SIL1: variants seen among roughly 807,000 people sequenced by gnomAD.
The protein encoded by SIL1 is SIL1 nucleotide exchange factor, also known as nucleotide exchange factor SIL1.
SIL1 carries 40 observed loss-of-function variants against 49.1 expected under a neutral mutation model. The ratio of observed to expected loss-of-function variants is 0.81; its 90% CI spans 0.63 to 1.06. The LOEUF (loss-of-function observed/expected upper bound fraction) is 1.06, where lower values mean the gene tolerates loss of function less well. Among genes scored for constraint, SIL1 ranks in the 50% least tolerant of loss-of-function variants. SIL1 has a pLI of 0.00. For synonymous variants in SIL1, 253 were observed against 250.8 expected (o/e 1.01, Z -0.08); for missense variants, 500 against 572.6 (o/e 0.87, Z 1.29).
chr5:139,159,097 G>C (rs1751458322), intron 1 of SIL1, among the ~76,000 whole-genome samples: 1 of 151,300 alleles, frequency 6.6e-6, no homozygotes, highest in Non-Finnish European at 1.5e-5. Context: ...TACTAAAAGA[G>C]AGAGAGGGAA....
intron 3 of SIL1, among the ~76,000 whole-genome samples, chr5:139,086,201 A>C (rs926588351): frequency 6.8e-6 from 1 of 148,146 alleles, no homozygotes; most frequent in Non-Finnish European, 1.5e-5. Flanking sequence ...TGAATCTGGG[A>C]GGTCAAGGCT....
At chr5:139,144,268 G>T (rs1751149727) in intron 1 of SIL1, among the ~76,000 whole-genome samples, 1 of 152,074 alleles carries the variant, frequency 6.6e-6, no homozygotes, top group Non-Finnish European at 1.5e-5. Flanking sequence ...AGGCTGCAGT[G>T]GGCTATGACA....
intron 7 of SIL1, among the ~76,000 whole-genome samples, chr5:138,964,905 T>C (rs756933350): frequency 1.3e-5 from 2 of 152,194 alleles, no homozygotes; most frequent in Non-Finnish European, 2.9e-5. Context: ...GCACACGCCA[T>C]GGCTGAGTAT....
chr5:138,996,543 CAG>C (rs1293032949), intron 7 of SIL1, among the ~76,000 whole-genome samples: 1 of 107,918 alleles, frequency 9.3e-6, no homozygotes, highest in Non-Finnish European at 1.7e-5. Context: ...TTTTTTGAGA[CAG>C]AGTCTCACTC....
intron 1 of SIL1, among the ~76,000 whole-genome samples, chr5:139,179,912 C>G (rs1026653075): frequency 4.0e-5 from 6 of 151,804 alleles, no homozygotes; most frequent in African/African-American, 1.5e-4. Flanking sequence ...AAAAGATTAG[C>G]CAGGTGTGGT....
At position 138,947,511 on chromosome 5, in the gene SIL1, G is replaced by A. The variant is rs1033459964; in HGVS notation, c.1030-38C>T. 1 of 1,583,730 alleles carries A rather than the reference G, an allele frequency of 6.3e-7. No individual in the cohort carries two copies. The highest frequency in any genetic ancestry group is 1.3e-5 in the African/African-American group (1 of 74,326). ...ACAGCCGCAGGCCAGGTAGGGTGGG[G>A]GTGGGGAGAGAACACACAGGGAGCA... On this transcript the variant is annotated intron_variant, in intron 9 of 9. Coordinates refer to ENST00000394817, the MANE Select transcript of SIL1 (RefSeq NM_022464.5). The surrounding 1 kb of genome is among the most constrained non-coding windows in gnomAD (Gnocchi z 4.1).
intron 5 of SIL1, among the ~76,000 whole-genome samples, chr5:139,030,449 T>G (rs1581043277): frequency 6.6e-6 from 1 of 151,292 alleles, no homozygotes; most frequent in Non-Finnish European, 1.5e-5. Flanking sequence ...TGTACTCCCG[T>G]GTGGGCGACA....
At chr5:138,988,053 A>C (rs1333768673) in intron 7 of SIL1, among the ~76,000 whole-genome samples, 2 of 152,216 alleles carry the variant, frequency 1.3e-5, no homozygotes, top group Non-Finnish European at 2.9e-5. Context: ...GCCTGGTCTC[A>C]AACTCCTGAC....
chr5:139,085,063 C>T (rs1770183721), intron 3 of SIL1, among the ~76,000 whole-genome samples: 1 of 152,062 alleles, frequency 6.6e-6, no homozygotes, highest in African/African-American at 2.4e-5. Flanking sequence ...CACAGTATTC[C>T]ATTGCAATGG....
chr5:139,178,928 A>G lies in SIL1; in HGVS notation c.-11+19341T>C, dbSNP rs115770577. Among the ~76,000 whole-genome samples, 1,253 of 152,268 alleles carry G rather than the reference A, an allele frequency of 8.2e-3. 14 individuals are homozygous for G. The highest frequency in any genetic ancestry group is 0.028 in the African/African-American group (1,175 of 41,534). ...AGAGAAGGAAAACGAAGCTGTATCC[A>G]AATCAAAGAGTTCTACTTAGAGCTG... is the stretch of plus-strand genomic sequence containing the variant. On this transcript the variant is annotated intron_variant, in intron 1 of 9. Transcript: ENST00000394817.
intron 1 of SIL1, among the ~76,000 whole-genome samples, chr5:139,168,750 G>A (rs1218559533): frequency 2.0e-5 from 3 of 151,930 alleles, no homozygotes; most frequent in African/African-American, 4.8e-5. Context: ...CAGGCAGATC[G>A]CTTGAACCCA....
intron 1 of SIL1, among the ~76,000 whole-genome samples, chr5:139,181,119 C>T (rs1751975014): frequency 6.6e-6 from 1 of 152,202 alleles, no homozygotes; most frequent in Non-Finnish European, 1.5e-5. Context: ...CACTTGACAT[C>T]TGTTGGCTGA....
At chr5:138,980,715 G>A (rs967250246) in intron 7 of SIL1, among the ~76,000 whole-genome samples, 1 of 152,188 alleles carries the variant, frequency 6.6e-6, no homozygotes, top group African/African-American at 2.4e-5. Flanking sequence ...ATGAAAAATG[G>A]TGCCAATTAG....
chr5:139,040,449 T>C (rs1205617635), intron 5 of SIL1, among the ~76,000 whole-genome samples: 2 of 151,364 alleles, frequency 1.3e-5, no homozygotes, highest in Non-Finnish European at 2.9e-5. Flanking sequence ...GTGCTGATAT[T>C]GGGATCCCCT....
At chr5:139,070,223 G>A (rs963802371) in intron 3 of SIL1, among the ~76,000 whole-genome samples, 4 of 151,820 alleles carry the variant, frequency 2.6e-5, no homozygotes, top group African/African-American at 9.7e-5. Context: ...ACTGTTGCAT[G>A]TACAAAATGA....
intron 3 of SIL1, among the ~76,000 whole-genome samples, chr5:139,083,944 T>TC (rs1337331565): frequency 1.0e-5 from 1 of 97,290 alleles, no homozygotes; most frequent in Non-Finnish European, 2.1e-5. Context: ...GGGAATCCTT[T>TC]CCCCATTGCT....
intron 7 of SIL1, among the ~76,000 whole-genome samples, chr5:138,994,176 G>A (rs981234812): frequency 6.6e-6 from 1 of 152,044 alleles, no homozygotes; most frequent in Admixed American, 6.6e-5. Flanking sequence ...ATAAGAAAGA[G>A]AAATGGAGGA....
intron 1 of SIL1, among the ~76,000 whole-genome samples, chr5:139,145,619 G>A (rs1422760568): frequency 1.5e-5 from 2 of 134,578 alleles, no homozygotes; most frequent in Non-Finnish European, 3.3e-5. Context: ...TGTGGGTGTG[G>A]GTGTGGGGGC....
At chr5:139,014,064 T>C (rs1768343369) in intron 7 of SIL1, 1 of 152,174 alleles carries the variant, frequency 6.6e-6, no homozygotes, top group South Asian at 2.1e-4. Flanking sequence ...AGGAGATAGA[T>C]GAAAGAACTG....
Sources: allele counts gnomAD v4.1 joint callset (sites outside exome capture counted in the v4.1 genomes callset), GRCh38; gene constraint gnomAD v4.1.1; non-coding constraint Gnocchi (gnomAD v3.1); transcripts MANE v1.5; gene names NCBI Gene and HGNC (gene_info 2026-07-23, HGNC 2026-07-21).